Variants in WDFY3 observed in about 807,000 individuals in gnomAD.
The protein encoded by WDFY3 is WD repeat and FYVE domain-containing protein 3.
WDFY3 carries 66 observed loss-of-function variants against 409.6 expected under a neutral mutation model. The observed-to-expected ratio is 0.16, with a 90% confidence interval of 0.13 to 0.20. The LOEUF is 0.20. Ranked by LOEUF, WDFY3 falls within the 10% of genes least tolerant of loss-of-function variation. The pLI is 1.00. For synonymous variants in WDFY3, 1,521 were observed against 1,537.1 expected (o/e 0.99, Z 0.25); for missense variants, 3,031 against 4,298.1 (o/e 0.71, Z 8.24).
chr4:84,957,241 C>T (rs916383492), intron 1 of WDFY3, among the ~76,000 whole-genome samples: 1 of 109,728 alleles, frequency 9.1e-6, no homozygotes, highest in Non-Finnish European at 1.8e-5. Context: ...CTAACAGATA[C>T]AAAGTATTTC....
intron 2 of WDFY3, among the ~76,000 whole-genome samples, chr4:84,926,424 A>G (rs1481228670): frequency 1.3e-5 from 2 of 152,050 alleles, no homozygotes; most frequent in Non-Finnish European, 2.9e-5. Flanking sequence ...TCTATTTAGT[A>G]ATACAATTTT....
chr4:84,859,085 A>C (rs1349115404), intron 4 of WDFY3, among the ~76,000 whole-genome samples: 1 of 152,104 alleles, frequency 6.6e-6, no homozygotes, highest in South Asian at 2.1e-4. Context: ...CAGAGAAAGG[A>C]GGAGGAAAAA....
At chr4:84,745,953 A>G (rs1257024273) in intron 36 of WDFY3, among the ~76,000 whole-genome samples, 1 of 152,030 alleles carries the variant, frequency 6.6e-6, no homozygotes, top group Admixed American at 6.6e-5. Context: ...AGCTTGAGTC[A>G]TCATAATTTG....
At chr4:84,702,535 T>C (rs369575596) in intron 55 of WDFY3, 29 bp from the exon 56 acceptor site, 12 of 1,541,510 alleles carry the variant, frequency 7.8e-6, no homozygotes, top group Non-Finnish European at 1.0e-5. Flanking sequence ...ACCTCTCTAT[T>C]AGAGAACCGT....
intron 42 of WDFY3, 62 bp from the exon 43 acceptor site, chr4:84,735,182 T>A: frequency 6.9e-7 from 1 of 1,446,086 alleles, no homozygotes; most frequent in Non-Finnish European, 9.5e-7. Context: ...AATAGTTAAT[T>A]ACCCTTGAAA....
intron 2 of WDFY3, among the ~76,000 whole-genome samples, chr4:84,897,262 C>T (rs1057207183): frequency 1.3e-5 from 2 of 152,090 alleles, no homozygotes; most frequent in African/African-American, 4.8e-5. Flanking sequence ...AATGTGCATC[C>T]GGGGTTGAGA....
At chr4:84,751,067 C>T (rs1180032274) in intron 36 of WDFY3, among the ~76,000 whole-genome samples, 1 of 152,264 alleles carries the variant, frequency 6.6e-6, no homozygotes, top group African/African-American at 2.4e-5. Context: ...TGGGCCAAAT[C>T]CAGCCTGTGC....
At chr4:84,936,248 T>C (rs1206840110) in intron 1 of WDFY3, among the ~76,000 whole-genome samples, 1 of 151,802 alleles carries the variant, frequency 6.6e-6, no homozygotes, top group Non-Finnish European at 1.5e-5. Flanking sequence ...GGGTGGGGAG[T>C]GGTGGCTCAC....
intron 54 of WDFY3, 100 bp downstream of exon 54, chr4:84,705,294 A>G: frequency 1.2e-6 from 1 of 850,754 alleles, no homozygotes; most frequent in South Asian, 1.6e-5. Context: ...GATATGATAT[A>G]TAAGCAATTT....
chr4:84,813,765 A>G (rs906066463), intron 13 of WDFY3, among the ~76,000 whole-genome samples: 1 of 152,166 alleles, frequency 6.6e-6, no homozygotes, highest in Non-Finnish European at 1.5e-5. Context: ...AAAAGAGGAG[A>G]AAATGGTATG....
chr4:84,961,099 C>T (rs966771119), intron 1 of WDFY3, among the ~76,000 whole-genome samples: 2 of 151,666 alleles, frequency 1.3e-5, no homozygotes. Flanking sequence ...CCTGTAATTC[C>T]AGCTACTCGG....
intron 53 of WDFY3, among the ~76,000 whole-genome samples, chr4:84,706,782 GA>G (rs1425951126): frequency 6.6e-6 from 1 of 152,046 alleles, no homozygotes; most frequent in Non-Finnish European, 1.5e-5. Flanking sequence ...AATTACAAGA[GA>G]GGGAACTGGG....
At chr4:84,891,898 G>T (rs1765004806) in intron 3 of WDFY3, among the ~76,000 whole-genome samples, 2 of 152,172 alleles carry the variant, frequency 1.3e-5, no homozygotes, top group Admixed American at 1.3e-4. Context: ...GCATTGAAAA[G>T]TCAAATTGGG....
chr4:84,754,401 A>G (rs1286600051), intron 34 of WDFY3, among the ~76,000 whole-genome samples: 1 of 152,116 alleles, frequency 6.6e-6, no homozygotes, highest in African/African-American at 2.4e-5. Flanking sequence ...AACTTTTCTT[A>G]TGTCTTTATA....
intron 47 of WDFY3, among the ~76,000 whole-genome samples, chr4:84,718,795 CG>C (rs778992018): frequency 1.3e-5 from 2 of 152,092 alleles, no homozygotes; most frequent in Non-Finnish European, 2.9e-5. Context: ...CTCAATATTC[CG>C]GGTGTACTTT....
At chr4:84,809,022 A>G (rs896128470) in intron 14 of WDFY3, 1 of 152,258 alleles carries the variant, frequency 6.6e-6, no homozygotes, top group African/African-American at 2.4e-5. Flanking sequence ...ATGTAGTTAC[A>G]TGGTCTATTG....
At chr4:84,755,988 A>AT (rs1741368849) in intron 33 of WDFY3, among the ~76,000 whole-genome samples, 1 of 152,148 alleles carries the variant, frequency 6.6e-6, no homozygotes, top group African/African-American at 2.4e-5. Context: ...CACTTAAAAG[A>AT]TTTTGTCAAC....
intron 2 of WDFY3, among the ~76,000 whole-genome samples, chr4:84,921,246 C>T (rs1459783707): frequency 6.6e-6 from 1 of 151,580 alleles, no homozygotes; most frequent in African/African-American, 2.4e-5. Flanking sequence ...ATGTTCAGTG[C>T]CTTTTATACA....
At chr4:84,866,701 G>T (rs1462878275) in intron 3 of WDFY3, among the ~76,000 whole-genome samples, 1 of 152,236 alleles carries the variant, frequency 6.6e-6, no homozygotes, top group Non-Finnish European at 1.5e-5. Context: ...TGAGCCACTT[G>T]CTTGGGCCCA....
Sources: gnomAD v4.1 joint callset for allele counts (sites outside exome capture counted in the v4.1 genomes callset) on GRCh38, gnomAD v4.1.1 for gene constraint, MANE v1.5 for transcripts, NCBI Gene and HGNC (gene_info 2026-07-23, HGNC 2026-07-21) for gene names.